Variants in NEGR1 observed in about 807,000 individuals in gnomAD.
NEGR1 encodes the protein IgLON family member 4.
In NEGR1, 10 loss-of-function variants were observed where a neutral mutation model predicts 40.9. That is an observed-to-expected ratio of 0.24 (90% CI 0.15 to 0.42). The LOEUF is 0.42. Among genes scored for constraint, NEGR1 ranks in the 10% least tolerant of loss-of-function variants. The probability of loss-of-function intolerance (pLI) is 1.00; values close to 1 mark genes in which losing one functional copy is unlikely to be tolerated. For synonymous variants in NEGR1, 185 were observed against 166.8 expected (o/e 1.11, Z -0.84); for missense variants, 352 against 438.9 (o/e 0.80, Z 1.77).
At chr1:72,277,166 G>T (rs1656078817) in intron 1 of NEGR1, among the ~76,000 whole-genome samples, 5 of 152,138 alleles carry the variant, frequency 3.3e-5, no homozygotes. Context: ...ACAGCCTGAA[G>T]ATACTTGGCA....
At chr1:72,001,148 C>A (rs1371085020) in intron 1 of NEGR1, among the ~76,000 whole-genome samples, 1 of 152,040 alleles carries the variant, frequency 6.6e-6, no homozygotes, top group East Asian at 1.9e-4. Flanking sequence ...AAATGAGATG[C>A]CCAGACCTCA....
chr1:71,653,533 T>C (rs745419001), intron 4 of NEGR1, among the ~76,000 whole-genome samples: 2 of 152,192 alleles, frequency 1.3e-5, no homozygotes, highest in Non-Finnish European at 2.9e-5. Context: ...TCATTTATTG[T>C]GTTTTTTTAA....
rs1043580964 is a variant in NEGR1 at position 72,242,039 on chromosome 1, ATG to A, written c.176+40278_176+40279del. On this transcript the variant is annotated intron_variant, in intron 1 of 6. Coordinates refer to ENST00000357731, the MANE Select transcript of NEGR1 (RefSeq NM_173808.3). The stretch of plus-strand genomic sequence containing the variant: ...ACAAAGAAGGATGGAAACAATAATT[ATG>A]TGTTTTTCTAACACAAACTATTAAT... Among the ~76,000 whole-genome samples the A allele has an allele frequency of 3.0e-3, 414 of 137,668 alleles. 6 individuals carry two copies. Among genetic ancestry groups the A allele is most frequent in the African/African-American group, 0.011 (386 of 34,776 alleles). 90.3% of individuals were successfully genotyped at this position (137,668 alleles called of 152,430 possible).
chr1:72,169,768 T>C (rs1319100495), intron 1 of NEGR1, among the ~76,000 whole-genome samples: 1 of 152,198 alleles, frequency 6.6e-6, no homozygotes, highest in Non-Finnish European at 1.5e-5. Flanking sequence ...TGTCTGACAC[T>C]TCCTAATGCT....
intron 3 of NEGR1, among the ~76,000 whole-genome samples, chr1:71,752,834 T>C (rs1655615453): frequency 6.6e-6 from 1 of 152,186 alleles, no homozygotes; most frequent in Admixed American, 6.5e-5. Context: ...TAACATGGTT[T>C]CAGTTCTATG....
intron 1 of NEGR1, among the ~76,000 whole-genome samples, chr1:72,243,212 TTCTCA>T (rs763149162): frequency 4.6e-5 from 7 of 151,540 alleles, no homozygotes; most frequent in Non-Finnish European, 8.9e-5. Flanking sequence ...GAAGGTACAC[TTCTCA>T]TCTCAATTAA....
At chr1:71,531,914 AT>A (rs142177298) in intron 6 of NEGR1, among the ~76,000 whole-genome samples, 19 of 149,844 alleles carry the variant, frequency 1.3e-4, no homozygotes, top group South Asian at 4.2e-4. Flanking sequence ...TTGAGATAGA[AT>A]TTTTTTTTTC....
intron 6 of NEGR1, among the ~76,000 whole-genome samples, chr1:71,575,820 CA>C (rs1311061884): frequency 7.5e-6 from 1 of 133,146 alleles, no homozygotes; most frequent in African/African-American, 2.7e-5. Context: ...AAAACAAAAA[CA>C]AAAAACAAAA....
chr1:72,118,662 G>T (rs1439891393), intron 1 of NEGR1, among the ~76,000 whole-genome samples: 2 of 151,674 alleles, frequency 1.3e-5, no homozygotes, highest in Non-Finnish European at 2.9e-5. Flanking sequence ...TGATTCTCTG[G>T]CCCTTCCAGT....
intron 1 of NEGR1, among the ~76,000 whole-genome samples, chr1:72,281,657 A>T (rs1298779601): frequency 6.6e-6 from 1 of 152,116 alleles, no homozygotes; most frequent in Non-Finnish European, 1.5e-5. Context: ...AATGTGAGGA[A>T]CAGAAATTAG....
At chr1:72,053,878 A>G (rs1040632317) in intron 1 of NEGR1, among the ~76,000 whole-genome samples, 3 of 120,926 alleles carry the variant, frequency 2.5e-5, no homozygotes, top group Non-Finnish European at 5.9e-5. Context: ...TAATTTTAAG[A>G]TTAAAAAAAA....
At chr1:71,761,654 T>A (rs1384310433) in intron 3 of NEGR1, among the ~76,000 whole-genome samples, 3 of 152,140 alleles carry the variant, frequency 2.0e-5, no homozygotes, top group Non-Finnish European at 4.4e-5. Context: ...TAAGGCTCCC[T>A]CAATGTTAAA....
intron 1 of NEGR1, among the ~76,000 whole-genome samples, chr1:72,259,950 GTTTA>G (rs771734563): frequency 1.3e-5 from 2 of 151,868 alleles, no homozygotes; most frequent in Non-Finnish European, 2.9e-5. Context: ...TTTTTGTTGT[GTTTA>G]TTTTTCTCAT....
intron 6 of NEGR1, among the ~76,000 whole-genome samples, chr1:71,484,026 A>G (rs1281289717): frequency 6.6e-6 from 1 of 151,678 alleles, no homozygotes; most frequent in East Asian, 1.9e-4. Context: ...TATAAATTTG[A>G]AAACCATATG....
chr1:71,722,832 C>A (rs1654554245), intron 3 of NEGR1, among the ~76,000 whole-genome samples: 1 of 152,036 alleles, frequency 6.6e-6, no homozygotes, highest in Non-Finnish European at 1.5e-5. Context: ...TGAATTATCA[C>A]CACATTCAAG....
At chr1:71,539,332 T>C (rs1647614127) in intron 6 of NEGR1, among the ~76,000 whole-genome samples, 1 of 151,874 alleles carries the variant, frequency 6.6e-6, no homozygotes, top group East Asian at 2.0e-4. Context: ...GTAATTTTTT[T>C]CCCTCAAGAA....
intron 3 of NEGR1, among the ~76,000 whole-genome samples, chr1:71,774,791 G>A (rs774889988): frequency 2.0e-5 from 3 of 152,108 alleles, no homozygotes; most frequent in Admixed American, 1.3e-4. Context: ...CCAAAGCTAT[G>A]TAGTTCAAAG....
intron 6 of NEGR1, among the ~76,000 whole-genome samples, chr1:71,554,776 T>G (rs2101473168): frequency 6.6e-6 from 1 of 151,656 alleles, no homozygotes; most frequent in Non-Finnish European, 1.5e-5. Flanking sequence ...CTTGAATTTC[T>G]TCTCTAGATT....
At chr1:71,497,096 G>A (rs1487926644) in intron 6 of NEGR1, among the ~76,000 whole-genome samples, 2 of 152,110 alleles carry the variant, frequency 1.3e-5, no homozygotes, top group Admixed American at 6.5e-5. Context: ...ATTGGGCCAC[G>A]AGTTTATTAA....
Sources: allele counts gnomAD v4.1 joint callset (sites outside exome capture counted in the v4.1 genomes callset), GRCh38; gene constraint gnomAD v4.1.1; transcripts MANE v1.5; gene names NCBI Gene and HGNC (gene_info 2026-07-23, HGNC 2026-07-21).